Variants in POU2F1 observed in about 807,000 individuals in gnomAD.
POU2F1 encodes POU domain, class 2, transcription factor 1.
In POU2F1, 16 loss-of-function variants were observed where a neutral mutation model predicts 84.9. The ratio of observed to expected loss-of-function variants is 0.19; its 90% confidence interval spans 0.13 to 0.29. The LOEUF (loss-of-function observed/expected upper bound fraction) is 0.29, where lower values mean the gene tolerates loss of function less well. POU2F1 is among the 10% of genes least tolerant of loss of function. The pLI is 1.00. For missense variants in POU2F1, 738 were observed against 942.6 expected (o/e 0.78, Z 2.84); for synonymous variants, 368 against 368.3 (o/e 1.00, Z 0.01).
chr1:167,409,353 T>C lies in POU2F1; in HGVS notation c.1556-2606T>C, dbSNP rs187811853. On this transcript the variant is annotated intron_variant, in intron 13 of 15. Transcript: ENST00000367866. ...CCAGGTACTATATACACACCTTGAC[T>C]ATAGCTTCCTACTGCCCCTGTGAGG... Among the ~76,000 whole-genome samples, 12 of 152,294 alleles carry C rather than the reference T, an allele frequency of 7.9e-5. No individual in the cohort carries two copies. In the East Asian group the frequency reaches 1.5e-3, roughly 20 times the overall value.
chr1:167,380,655 C>A (rs1647468486), intron 7 of POU2F1: 1 of 152,204 alleles, frequency 6.6e-6, no homozygotes, highest in South Asian at 2.1e-4. Context: ...AATCTCTTAA[C>A]TTCATGATGG....
At chr1:167,329,193 ATAGTAG>A in intron 1 of POU2F1, 1 of 1,520,204 alleles carries the variant, frequency 6.6e-7, no homozygotes, top group Non-Finnish European at 8.9e-7. Context: ...TTTGTTAGAA[ATAGTAG>A]TACCTTCTTT....
chr1:167,381,603 C>CTTTT (rs147770215), intron 7 of POU2F1, among the ~76,000 whole-genome samples: 11 of 65,998 alleles, frequency 1.7e-4, no homozygotes, highest in Admixed American at 2.1e-4. Context: ...GCTCTCTTCT[C>CTTTT]TTTTTTTTTT....
rs550114825 is a variant in POU2F1, at chr1:167,308,598, T to G, written c.62-23872T>G. ...TGGAGTACAGTGGCATAATCATAGCTCACTGAAGCTTCAAACTCCTAGGCT... is the reference window on the plus strand; with the variant it reads ...TGGAGTACAGTGGCATAATCATAGCGCACTGAAGCTTCAAACTCCTAGGCT... On this transcript the variant is annotated intron_variant, in intron 1 of 15. Coordinates refer to ENST00000367866, the MANE Select transcript of POU2F1 (RefSeq NM_002697.4). Among the ~76,000 whole-genome samples the G allele has an allele frequency of 4.6e-5, 7 of 152,236 alleles. No homozygotes were observed. The South Asian group carries it at 1.5e-3, about 32-fold the overall frequency.
chr1:167,302,823 TTAAA>T (rs1232289691), intron 1 of POU2F1, among the ~76,000 whole-genome samples: 2 of 152,314 alleles, frequency 1.3e-5, no homozygotes, highest in Non-Finnish European at 2.9e-5. Context: ...CAAGTATATG[TTAAA>T]TAAGAGTCAT....
chr1:167,241,478 A>AT (rs1315728085), intron 1 of POU2F1: 1 of 152,208 alleles, frequency 6.6e-6, no homozygotes, highest in Non-Finnish European at 1.5e-5. Flanking sequence ...TGTTTCGAGA[A>AT]TTTGAAAGCA....
At chr1:167,306,778 T>A (rs1322763601) in intron 1 of POU2F1, among the ~76,000 whole-genome samples, 2 of 152,168 alleles carry the variant, frequency 1.3e-5, no homozygotes, top group Non-Finnish European at 2.9e-5. Flanking sequence ...AAATTTCCCC[T>A]TTATATAAGG....
At position 167,415,798 on chromosome 1, in the gene POU2F1, C is replaced by T. The variant is rs759898400; in HGVS notation, c.2289C>T (p.Ser763=). The part of the protein sequence containing the change: ...SGAASTTTTA[S]KAQ ...CTGCGTCCACCACCACCACCGCCTCCAAGGCACAGTGAGCTGGGCAGAGCT... is the reference window on the plus strand; with the variant it reads ...CTGCGTCCACCACCACCACCGCCTCTAAGGCACAGTGAGCTGGGCAGAGCT... Residue 763 remains serine (S), a synonymous_variant, in exon 16 of 16, where the codon TCC becomes TCT. Transcript: ENST00000367866. 15 of 1,613,748 alleles carry T rather than the reference C, an allele frequency of 9.3e-6. No individual in the cohort carries two copies. In the Admixed American group the frequency reaches 2.3e-4, roughly 25 times the overall value.
At chr1:167,362,058 A>G (rs116653216) in intron 2 of POU2F1, among the ~76,000 whole-genome samples, 1,844 of 151,762 alleles carry the variant, frequency 0.012, 14 homozygotes, top group South Asian at 0.027. Flanking sequence ...CTACCTCCAC[A>G]TTTCTAGCTC....
intron 8 of POU2F1, among the ~76,000 whole-genome samples, chr1:167,386,283 C>T (rs779838830): frequency 6.6e-6 from 1 of 152,180 alleles, no homozygotes; most frequent in Non-Finnish European, 1.5e-5. Flanking sequence ...GCAGCCTGAC[C>T]TCCCAAGCTC....
At chr1:167,299,451 C>T (rs1483678759) in intron 1 of POU2F1, among the ~76,000 whole-genome samples, 1 of 152,044 alleles carries the variant, frequency 6.6e-6, no homozygotes, top group Non-Finnish European at 1.5e-5. Context: ...AGGTTTGCTG[C>T]CCTGTGTGGG....
intron 1 of POU2F1, among the ~76,000 whole-genome samples, chr1:167,324,035 T>C (rs1429319789): frequency 6.6e-5 from 10 of 152,014 alleles, no homozygotes; most frequent in East Asian, 1.9e-4. Context: ...AGGAAAAGAA[T>C]AGAAAAAGAA....
At chr1:167,250,318 A>G (rs1650629567) in intron 1 of POU2F1, among the ~76,000 whole-genome samples, 2 of 152,228 alleles carry the variant, frequency 1.3e-5, no homozygotes, top group South Asian at 2.1e-4. Flanking sequence ...GGGAACATCC[A>G]TCATGGATCA....
At chr1:167,273,381 G>A (rs266831) in intron 1 of POU2F1, among the ~76,000 whole-genome samples, 2,578 of 152,226 alleles carry the variant, frequency 0.017, 72 homozygotes, top group African/African-American at 0.058. Context: ...CTGTGTGTGG[G>A]GGCTCCAACC....
At chr1:167,411,683 A>G (rs35130819) in intron 13 of POU2F1, among the ~76,000 whole-genome samples, 2,231 of 152,164 alleles carry the variant, frequency 0.015, 22 homozygotes, top group South Asian at 0.026. Context: ...TAGAGCTTCT[A>G]TGATTCTTTT....
intron 1 of POU2F1, among the ~76,000 whole-genome samples, chr1:167,325,302 C>G (rs1346760791): frequency 6.6e-6 from 1 of 151,978 alleles, no homozygotes; most frequent in Non-Finnish European, 1.5e-5. Context: ...GCAGACACCC[C>G]CCATGATATA....
At chr1:167,393,925 A>T (rs776940845) in intron 9 of POU2F1, among the ~76,000 whole-genome samples, 2 of 152,254 alleles carry the variant, frequency 1.3e-5, no homozygotes, top group Admixed American at 6.5e-5. Flanking sequence ...TACACAATGC[A>T]TAAGTTCAAT....
At chr1:167,397,695 G>A (rs910675319) in intron 10 of POU2F1, among the ~76,000 whole-genome samples, 7 of 152,026 alleles carry the variant, frequency 4.6e-5, no homozygotes, top group Admixed American at 3.9e-4. Context: ...ACAGGCGCAC[G>A]CCACTGTGCC....
At chr1:167,245,348 A>G (rs1412249595) in intron 1 of POU2F1, among the ~76,000 whole-genome samples, 1 of 150,772 alleles carries the variant, frequency 6.6e-6, no homozygotes, top group Non-Finnish European at 1.5e-5. Flanking sequence ...GGCTCAAGTG[A>G]TCCTCCCAAC....
Sources: gnomAD v4.1 joint callset for allele counts (sites outside exome capture counted in the v4.1 genomes callset) on GRCh38, gnomAD v4.1.1 for gene constraint, MANE v1.5 for transcripts, NCBI Gene and HGNC (gene_info 2026-07-23, HGNC 2026-07-21) for gene names.